GRIK1: variants seen among roughly 807,000 people sequenced by gnomAD.
GRIK1 encodes the protein glutamate ionotropic receptor kainate type subunit 1.
In GRIK1, 69 loss-of-function variants were observed where a neutral mutation model predicts 105.7. That is an observed-to-expected ratio of 0.65 (90% CI 0.54 to 0.80). GRIK1 has a LOEUF of 0.80. GRIK1 is among the 30% of genes least tolerant of loss of function. The pLI is 0.00. For synonymous variants in GRIK1, 438 were observed against 431.3 expected (o/e 1.02, Z -0.19); for missense variants, 1,109 against 1,167.3 (o/e 0.95, Z 0.73).
At chr21:29,643,055 GC>G in intron 6 of GRIK1, 86 bp from the exon 7 acceptor site, 4 of 1,304,318 alleles carry the variant, frequency 3.1e-6, no homozygotes. Context: ...TGCTTCCATA[GC>G]TCTTATCTGT....
At chr21:29,606,034 A>ATG (rs2061608250) in intron 7 of GRIK1, among the ~76,000 whole-genome samples, 1 of 149,560 alleles carries the variant, frequency 6.7e-6, no homozygotes, top group Non-Finnish European at 1.5e-5. Context: ...AAAAAAAAAA[A>ATG]GATTGTGTGA....
At chr21:29,846,452 GGAAAGAGAGAGAGAAAGAAAGAA>G (rs2068119752) in intron 1 of GRIK1, among the ~76,000 whole-genome samples, 2 of 114,368 alleles carry the variant, frequency 1.7e-5, no homozygotes, top group African/African-American at 7.0e-5. Context: ...AAGGAAAGAA[GGAAAGAGAGAGAGAAAGAAAGAA>G]AGAAAGAAAG....
At chr21:29,834,406 T>C (rs948789096) in intron 1 of GRIK1, among the ~76,000 whole-genome samples, 6 of 150,856 alleles carry the variant, frequency 4.0e-5, no homozygotes, top group Non-Finnish European at 8.9e-5. Flanking sequence ...ATTATTCTTC[T>C]GCACTATAAC....
chr21:29,694,764 A>G (rs1445432303), intron 1 of GRIK1, among the ~76,000 whole-genome samples: 1 of 152,202 alleles, frequency 6.6e-6, no homozygotes, highest in African/African-American at 2.4e-5. Context: ...TTTAGAATGA[A>G]GATCTTTCTA....
intron 1 of GRIK1, among the ~76,000 whole-genome samples, chr21:29,769,121 C>A (rs1362668607): frequency 6.6e-6 from 1 of 151,964 alleles, no homozygotes; most frequent in East Asian, 1.9e-4. Context: ...TAGTGCCTGG[C>A]TACTAGTAGG....
chr21:29,749,717 A>G (rs1036727162), intron 1 of GRIK1, among the ~76,000 whole-genome samples: 2 of 152,222 alleles, frequency 1.3e-5, no homozygotes, highest in African/African-American at 2.4e-5. Flanking sequence ...AACTTGATAT[A>G]TGGGGGTGGG....
At chr21:29,759,269 C>T (rs1403631300) in intron 1 of GRIK1, among the ~76,000 whole-genome samples, 2 of 152,030 alleles carry the variant, frequency 1.3e-5, no homozygotes, top group African/African-American at 4.8e-5. Context: ...AGGCACCCGC[C>T]ACCATGCCCG....
chr21:29,678,458 G>A (rs146356090), intron 3 of GRIK1, among the ~76,000 whole-genome samples: 277 of 152,224 alleles, frequency 1.8e-3, no homozygotes, highest in African/African-American at 6.6e-3. Context: ...AAAGTGTATT[G>A]CACTCAGCTC....
chr21:29,729,058 C>G (rs1428489054), intron 1 of GRIK1, among the ~76,000 whole-genome samples: 1 of 151,878 alleles, frequency 6.6e-6, no homozygotes, highest in Non-Finnish European at 1.5e-5. Flanking sequence ...GGTTTTTTTC[C>G]CCAAGGAGTA....
chr21:29,880,683 T>G (rs931101215), intron 1 of GRIK1, among the ~76,000 whole-genome samples: 1 of 152,068 alleles, frequency 6.6e-6, no homozygotes, highest in Non-Finnish European at 1.5e-5. Flanking sequence ...GGTGGAGATC[T>G]GCAGATGGAG....
At chr21:29,832,189 A>G (rs918831169) in intron 1 of GRIK1, among the ~76,000 whole-genome samples, 5 of 152,148 alleles carry the variant, frequency 3.3e-5, no homozygotes, top group Admixed American at 6.5e-5. Flanking sequence ...CTCCACCCCT[A>G]TGGATCTGCA....
chr21:29,822,373 T>C (rs969194353), intron 1 of GRIK1, among the ~76,000 whole-genome samples: 1 of 152,070 alleles, frequency 6.6e-6, no homozygotes, highest in African/African-American at 2.4e-5. Flanking sequence ...TTAAGTAATA[T>C]TCTGTCTAAT....
intron 4 of GRIK1, among the ~76,000 whole-genome samples, chr21:29,661,975 T>C (rs2062973315): frequency 6.6e-6 from 1 of 152,178 alleles, no homozygotes; most frequent in African/African-American, 2.4e-5. Context: ...GATGTATAAA[T>C]CCAGCCCCTT....
At chr21:29,683,472 C>T (rs1174335687) in intron 3 of GRIK1, among the ~76,000 whole-genome samples, 1 of 152,224 alleles carries the variant, frequency 6.6e-6, no homozygotes, top group Non-Finnish European at 1.5e-5. Flanking sequence ...ATGTCCTTTG[C>T]AGCAACATGG....
At chr21:29,560,006 C>T (rs1340692392) in intron 15 of GRIK1, among the ~76,000 whole-genome samples, 1 of 152,122 alleles carries the variant, frequency 6.6e-6, no homozygotes, top group East Asian at 1.9e-4. Context: ...TCTGCTTGGC[C>T]TCTGTAAGCA....
intron 16 of GRIK1, among the ~76,000 whole-genome samples, chr21:29,539,663 C>G (rs2089938273): frequency 6.6e-6 from 1 of 152,086 alleles, no homozygotes; most frequent in African/African-American, 2.4e-5. Flanking sequence ...AGTATTGTAT[C>G]AGAGTTTTGC....
chr21:29,800,640 T>C (rs1569107743), intron 1 of GRIK1, among the ~76,000 whole-genome samples: 1 of 152,230 alleles, frequency 6.6e-6, no homozygotes, highest in Non-Finnish European at 1.5e-5. Context: ...ATAAAGTTAA[T>C]GAAACAAACC....
intron 1 of GRIK1, among the ~76,000 whole-genome samples, chr21:29,726,292 A>G (rs1340901153): frequency 1.3e-5 from 2 of 152,174 alleles, no homozygotes; most frequent in African/African-American, 4.8e-5. Context: ...GGGTTTTGTA[A>G]AAGCACTCTG....
chr21:29,561,809 A>G lies in GRIK1; in HGVS notation c.2171T>C (p.Met724Thr), dbSNP rs750903526. The G allele has an allele frequency of 1.1e-5, 18 of 1,613,874 alleles. No homozygotes were observed. The highest frequency in any genetic ancestry group is 2.2e-5 in the East Asian group (1 of 44,896). Reference sequence around the variant, plus strand: ...CAGGGCGGTCTGCTGCCTGCTGCTCATGAAAGCCCACATCTTCTCATAGGT... The same window carrying G: ...CAGGGCGGTCTGCTGCCTGCTGCTCGTGAAAGCCCACATCTTCTCATAGGT... ...ISTYEKMWAF[M>T]SSRQQTALVR... Residue 724 changes from methionine (M) to threonine (T), a missense_variant, in exon 15 of 18, where the codon ATG (methionine) becomes ACG (threonine). Transcript: ENST00000327783.
Sources: allele counts gnomAD v4.1 joint callset (sites outside exome capture counted in the v4.1 genomes callset), GRCh38; gene constraint gnomAD v4.1.1; transcripts MANE v1.5; gene names NCBI Gene and HGNC (gene_info 2026-07-23, HGNC 2026-07-21).